HEMK2: variants seen among roughly 807,000 people sequenced by gnomAD.
HEMK2 encodes the protein HemK methyltransferase 2, ETF1 glutamine and histone H4 lysine.
the HEMK2 span, among the ~76,000 whole-genome samples, chr21:28,877,057 AG>A: frequency 9.5e-3 from 323 of 34,044 alleles, 9 homozygotes; most frequent in East Asian, 0.048. Context: ...GGAGGGAGGG[AG>A]GGAAGGAGGG....
the HEMK2 span, among the ~76,000 whole-genome samples, chr21:28,738,085 A>G: frequency 6.6e-6 from 1 of 152,194 alleles, no homozygotes; most frequent in Non-Finnish European, 1.5e-5. Context: ...GAGAGCTCAG[A>G]ATAGCAACAA....
chr21:28,830,069 C>T, the HEMK2 span, among the ~76,000 whole-genome samples: 1 of 152,146 alleles, frequency 6.6e-6, no homozygotes, highest in Non-Finnish European at 1.5e-5. Context: ...ACTAGTCCTC[C>T]AGGCTGAGAG....
At chr21:28,681,921 T>A in the HEMK2 span, among the ~76,000 whole-genome samples, 1 of 152,082 alleles carries the variant, frequency 6.6e-6, no homozygotes, top group Non-Finnish European at 1.5e-5. Flanking sequence ...TAAAGACTTA[T>A]ATGTTAGACC....
chr21:28,723,363 C>T, the HEMK2 span, among the ~76,000 whole-genome samples: 5 of 152,094 alleles, frequency 3.3e-5, no homozygotes, highest in African/African-American at 9.7e-5. Flanking sequence ...CATGTCACTG[C>T]ACACTTGCAT....
chr21:28,663,611 T>C, the HEMK2 span, among the ~76,000 whole-genome samples: 5 of 152,248 alleles, frequency 3.3e-5, no homozygotes, highest in Admixed American at 6.5e-5. Context: ...GGTGCCAACT[T>C]TAATTTTAAT....
the HEMK2 span, among the ~76,000 whole-genome samples, chr21:28,624,326 A>C: frequency 6.6e-6 from 1 of 152,212 alleles, no homozygotes; most frequent in Non-Finnish European, 1.5e-5. Context: ...TCCATTGAGA[A>C]GTCCCATCAT....
chr21:28,797,317 C>T, the HEMK2 span, among the ~76,000 whole-genome samples: 2 of 151,880 alleles, frequency 1.3e-5, no homozygotes, highest in Non-Finnish European at 2.9e-5. Flanking sequence ...AAAGGAAGGC[C>T]GGAACCAGTG....
At chr21:28,753,356 C>CAA in the HEMK2 span, among the ~76,000 whole-genome samples, 89 of 117,078 alleles carry the variant, frequency 7.6e-4, 1 homozygote, top group East Asian at 3.6e-3. Flanking sequence ...GACTCTGTCT[C>CAA]AAAAAAAAAA....
chr21:28,742,638 C>T, the HEMK2 span, among the ~76,000 whole-genome samples: 1 of 150,530 alleles, frequency 6.6e-6, no homozygotes, highest in African/African-American at 2.4e-5. Flanking sequence ...CATAAATGAT[C>T]ATTTTTTTAA....
At chr21:28,579,654 T>C in the HEMK2 span, among the ~76,000 whole-genome samples, 14 of 152,220 alleles carry the variant, frequency 9.2e-5, no homozygotes, top group African/African-American at 3.4e-4. Context: ...ACAAATAGAA[T>C]GGAATAAGAA....
At chr21:28,696,989 C>G in the HEMK2 span, among the ~76,000 whole-genome samples, 2 of 146,254 alleles carry the variant, frequency 1.4e-5, no homozygotes, top group Non-Finnish European at 3.0e-5. Context: ...CAGGGGAGCC[C>G]TGGACCTGGC....
At chr21:28,639,587 G>A in the HEMK2 span, among the ~76,000 whole-genome samples, 1 of 152,188 alleles carries the variant, frequency 6.6e-6, no homozygotes, top group Admixed American at 6.5e-5. Flanking sequence ...CATGGAGCAG[G>A]TGGGACCTAA....
the HEMK2 span, among the ~76,000 whole-genome samples, chr21:28,715,528 T>C: frequency 6.6e-6 from 1 of 152,206 alleles, no homozygotes. Flanking sequence ...TCTTTACATA[T>C]TCTGGATATT....
At chr21:28,795,332 GT>G in the HEMK2 span, among the ~76,000 whole-genome samples, 2 of 152,088 alleles carry the variant, frequency 1.3e-5, no homozygotes, top group African/African-American at 4.8e-5. Context: ...AATAACTAAG[GT>G]GCTTCTCTCC....
chr21:28,612,110 G>T, the HEMK2 span, among the ~76,000 whole-genome samples: 1 of 151,114 alleles, frequency 6.6e-6, no homozygotes, highest in South Asian at 2.1e-4. Flanking sequence ...AACCAGGAAA[G>T]GGCATAACAA....
At chr21:28,864,828 T>C in the HEMK2 span, among the ~76,000 whole-genome samples, 1,387 of 133,122 alleles carry the variant, frequency 0.01, 19 homozygotes, top group East Asian at 0.025. Context: ...GACAGATAGA[T>C]AGATAGATAG....
At chr21:28,831,518 A>AGAAAGAAGGAAAGAAGGAAAGAAG in the HEMK2 span, among the ~76,000 whole-genome samples, 1 of 76,720 alleles carries the variant, frequency 1.3e-5, no homozygotes, top group Non-Finnish European at 2.2e-5. Flanking sequence ...AAAGAAAGAA[A>AGAAAGAAGGAAAGAAGGAAAGAAG]GAAAGAAGGA....
At chr21:28,592,284 C>T in the HEMK2 span, among the ~76,000 whole-genome samples, 1 of 152,184 alleles carries the variant, frequency 6.6e-6, no homozygotes, top group African/African-American at 2.4e-5. Flanking sequence ...TTTTGATTTG[C>T]ATTTCTCTCA....
the HEMK2 span, among the ~76,000 whole-genome samples, chr21:28,830,358 A>ACT: frequency 5.4e-4 from 81 of 150,068 alleles, no homozygotes; most frequent in African/African-American, 1.8e-3. Flanking sequence ...CCCCCCCTTC[A>ACT]CTCTCTCTCT....
Sources: allele counts gnomAD v4.1 joint callset (sites outside exome capture counted in the v4.1 genomes callset), GRCh38; gene constraint gnomAD v4.1.1; transcripts MANE v1.5; gene names NCBI Gene and HGNC (gene_info 2026-07-23, HGNC 2026-07-21).